Variants in CNTNAP4 observed in about 807,000 individuals in gnomAD.
CNTNAP4 encodes contactin-associated protein-like 4.
Under a neutral mutation model 148.4 loss-of-function variants are expected in CNTNAP4, and 98 were observed. The observed-to-expected ratio is 0.66, with a 90% CI of 0.56 to 0.78. The LOEUF is 0.78. Ranked by LOEUF, CNTNAP4 falls within the 30% of genes least tolerant of loss-of-function variation. The pLI is 0.00. For missense variants in CNTNAP4, 1,935 were observed against 1,565.6 expected, an observed-to-expected ratio of 1.24 and a Z score of -3.98; for synonymous variants, 730 against 565.1, an observed-to-expected ratio of 1.29 and a Z score of -4.14.
At chr16:76,372,499 T>A (rs1371149365) in intron 3 of CNTNAP4, among the ~76,000 whole-genome samples, 1 of 152,124 alleles carries the variant, frequency 6.6e-6, no homozygotes, top group African/African-American at 2.4e-5. Flanking sequence ...TTCCACGTGT[T>A]GTGGGAGGGA....
At chr16:76,320,393 C>A (rs1032829670) in intron 2 of CNTNAP4, among the ~76,000 whole-genome samples, 1 of 152,082 alleles carries the variant, frequency 6.6e-6, no homozygotes, top group Non-Finnish European at 1.5e-5. Context: ...GGCAATCAGA[C>A]TTGATGGTTT....
At position 76,310,593 on chromosome 16, in the gene CNTNAP4, TG is replaced by T. The variant is rs1218449321; in HGVS notation, c.86-5819del. 9.1e-4 allele frequency among the ~76,000 whole-genome samples: 138 copies of T among 152,316 alleles called. 3 individuals are homozygous for T. Among genetic ancestry groups the T allele is most frequent in the Non-Finnish European group, 2.6e-4 (18 of 68,020 alleles). The stretch of plus-strand genomic sequence containing the variant: ...AAGCTTCCTGTCAAAGGTCTCACCC[TG>T]CCTCTGGTGTATGAGGATTTTTGAT... On this transcript the variant is annotated intron_variant, in intron 1 of 23. Transcript: ENST00000611870.
intron 10 of CNTNAP4, among the ~76,000 whole-genome samples, chr16:76,473,861 G>GTTTT (rs371501451): frequency 2.2e-5 from 2 of 90,394 alleles, no homozygotes; most frequent in African/African-American, 1.3e-4. Flanking sequence ...GTTTTGTTTT[G>GTTTT]TTTTGTTTTG....
intron 17 of CNTNAP4, among the ~76,000 whole-genome samples, chr16:76,524,552 C>T (rs2083630758): frequency 6.6e-6 from 1 of 152,044 alleles, no homozygotes; most frequent in Non-Finnish European, 1.5e-5. Context: ...TGTGTTGTGC[C>T]GTGTAGGAAT....
chr16:76,354,673 A>T (rs1597295820), intron 2 of CNTNAP4, among the ~76,000 whole-genome samples: 2 of 152,304 alleles, frequency 1.3e-5, no homozygotes, highest in Admixed American at 1.3e-4. Context: ...ATTGTCTCTC[A>T]CAAACTGTTG....
At chr16:76,540,299 T>C (rs1463238477) in intron 20 of CNTNAP4, among the ~76,000 whole-genome samples, 1 of 152,078 alleles carries the variant, frequency 6.6e-6, no homozygotes, top group Non-Finnish European at 1.5e-5. Flanking sequence ...GTTCTCTGCC[T>C]AGAAGAAAAT....
intron 3 of CNTNAP4, among the ~76,000 whole-genome samples, chr16:76,387,344 T>C (rs1205014423): frequency 1.3e-5 from 2 of 152,236 alleles, no homozygotes; most frequent in Admixed American, 1.3e-4. Context: ...GAGAAGCTCA[T>C]TCTCAGTTCT....
chr16:76,350,790 G>C (rs971711254), intron 2 of CNTNAP4, among the ~76,000 whole-genome samples: 1 of 152,206 alleles, frequency 6.6e-6, no homozygotes, highest in Non-Finnish European at 1.5e-5. Context: ...AGAGTCTTGT[G>C]AATGGGGAGA....
chr16:76,485,591 G>T (rs529864649), intron 12 of CNTNAP4, among the ~76,000 whole-genome samples: 1 of 152,026 alleles, frequency 6.6e-6, no homozygotes, highest in African/African-American at 2.4e-5. Flanking sequence ...CCTTCTCATG[G>T]TCCCATTACT....
At chr16:76,373,587 T>G (rs1166407984) in intron 3 of CNTNAP4, among the ~76,000 whole-genome samples, 1 of 152,082 alleles carries the variant, frequency 6.6e-6, no homozygotes, top group Non-Finnish European at 1.5e-5. Flanking sequence ...GAAGTAGCTA[T>G]GAGTATGAAA....
chr16:76,426,420 C>T (rs1160517129), intron 3 of CNTNAP4, among the ~76,000 whole-genome samples: 1 of 151,936 alleles, frequency 6.6e-6, no homozygotes, highest in Non-Finnish European at 1.5e-5. Context: ...GTTGCATGTC[C>T]CCTTATTATG....
chr16:76,409,695 C>A (rs911831758), intron 3 of CNTNAP4, among the ~76,000 whole-genome samples: 2 of 151,970 alleles, frequency 1.3e-5, no homozygotes, highest in Non-Finnish European at 2.9e-5. Flanking sequence ...AAAATATTGT[C>A]TACTATGTTT....
intron 21 of CNTNAP4, among the ~76,000 whole-genome samples, chr16:76,550,924 A>C (rs748796764): frequency 4.6e-5 from 7 of 152,152 alleles, no homozygotes; most frequent in Non-Finnish European, 7.4e-5. Context: ...TTGGGTAATG[A>C]AGAAGAGCAA....
At chr16:76,468,043 C>T (rs2143508084) in intron 10 of CNTNAP4, among the ~76,000 whole-genome samples, 1 of 152,248 alleles carries the variant, frequency 6.6e-6, no homozygotes, top group South Asian at 2.1e-4. Flanking sequence ...TGAAAATGAA[C>T]TTCTCTAGAG....
chr16:76,294,294 T>C (rs973175160), intron 1 of CNTNAP4, among the ~76,000 whole-genome samples: 1 of 152,188 alleles, frequency 6.6e-6, no homozygotes, highest in Admixed American at 6.5e-5. Flanking sequence ...CCTGATCTAA[T>C]ACAATTCTGA....
chr16:76,448,283 T>C (rs2080325236), intron 5 of CNTNAP4, 68 bp downstream of exon 5: 2 of 1,112,518 alleles, frequency 1.8e-6, no homozygotes, highest in Non-Finnish European at 2.6e-6. Context: ...CTTTATGCTT[T>C]TATAGCTTAT....
chr16:76,309,862 C>T, intron 1 of CNTNAP4: 1 of 701,396 alleles, frequency 1.4e-6, no homozygotes. Context: ...CTCATTTTCT[C>T]TTGCAGCCGC....
intron 21 of CNTNAP4, among the ~76,000 whole-genome samples, chr16:76,541,028 T>G (rs1011196564): frequency 2.0e-5 from 3 of 152,108 alleles, no homozygotes; most frequent in Non-Finnish European, 4.4e-5. Flanking sequence ...CAGTCCTGTC[T>G]CAATAAAGTA....
chr16:76,454,111 C>CTTTTTTTTTTTTTTTT (rs11302612), intron 8 of CNTNAP4, among the ~76,000 whole-genome samples: 1 of 130,098 alleles, frequency 7.7e-6, no homozygotes, highest in African/African-American at 2.8e-5. Context: ...CTATTTCTTT[C>CTTTTTTTTTTTTTTTT]TTTTTTTTTT....
Sources: gnomAD v4.1 joint callset for allele counts (sites outside exome capture counted in the v4.1 genomes callset) on GRCh38, gnomAD v4.1.1 for gene constraint, MANE v1.5 for transcripts, NCBI Gene and HGNC (gene_info 2026-07-23, HGNC 2026-07-21) for gene names.